Variants in KCNAB1 observed in about 807,000 individuals in gnomAD.
KCNAB1 encodes potassium voltage-gated channel subfamily A regulatory beta subunit 1.
In KCNAB1, 35 loss-of-function variants were observed where a neutral mutation model predicts 64.6. That is an observed-to-expected ratio of 0.54 (90% CI 0.41 to 0.72). The LOEUF is 0.72. Among genes scored for constraint, KCNAB1 ranks in the 30% least tolerant of loss-of-function variants. KCNAB1 has a pLI of 0.00. For missense variants in KCNAB1, 401 were observed against 512.9 expected (o/e 0.78, Z 2.11); for synonymous variants, 177 against 183.8 (o/e 0.96, Z 0.30).
At chr3:156,399,076 G>A (rs1472106155) in intron 1 of KCNAB1, among the ~76,000 whole-genome samples, 1 of 152,104 alleles carries the variant, frequency 6.6e-6, no homozygotes, top group Non-Finnish European at 1.5e-5. Context: ...GGTGTTTGGG[G>A]CAACATTTGG....
chr3:156,209,455 C>T (rs1576607619), intron 1 of KCNAB1, among the ~76,000 whole-genome samples: 4 of 152,132 alleles, frequency 2.6e-5, no homozygotes, highest in South Asian at 4.1e-4. Context: ...CCAACACTCA[C>T]GTCAATGAAC....
At chr3:156,325,244 G>T (rs6766110) in intron 1 of KCNAB1, among the ~76,000 whole-genome samples, 3 of 151,968 alleles carry the variant, frequency 2.0e-5, no homozygotes, top group African/African-American at 7.3e-5. Context: ...AGATCTAAAC[G>T]CAATTTTGTC....
At chr3:156,490,492 TATAAG>T (rs1032531205) in intron 8 of KCNAB1, among the ~76,000 whole-genome samples, 1 of 152,060 alleles carries the variant, frequency 6.6e-6, no homozygotes, top group African/African-American at 2.4e-5. Context: ...TACTTGGTGA[TATAAG>T]AGAAGGTACT....
chr3:156,120,558 A>G (rs573886934), upstream of KCNAB1: 10 of 1,604,392 alleles, frequency 6.2e-6, no homozygotes, highest in African/African-American at 5.4e-5. Flanking sequence ...AGAAAAATCA[A>G]TTCAGATTAC....
At chr3:156,484,606 G>A (rs780336142) in intron 8 of KCNAB1, among the ~76,000 whole-genome samples, 7 of 152,230 alleles carry the variant, frequency 4.6e-5, no homozygotes, top group Non-Finnish European at 8.8e-5. Context: ...ATCTGCTGCA[G>A]CAGATCTGCA....
At chr3:156,196,629 G>A (rs567835776) in intron 1 of KCNAB1, among the ~76,000 whole-genome samples, 116 of 152,088 alleles carry the variant, frequency 7.6e-4, no homozygotes, top group Admixed American at 2.2e-3. Context: ...TTGGTGTATA[G>A]GAATGCTTGT....
intron 8 of KCNAB1, among the ~76,000 whole-genome samples, chr3:156,483,036 A>C (rs1216757301): frequency 1.3e-5 from 2 of 152,138 alleles, no homozygotes; most frequent in African/African-American, 4.8e-5. Flanking sequence ...GGGACAGTTA[A>C]AATAATTACA....
intron 1 of KCNAB1, among the ~76,000 whole-genome samples, chr3:156,122,870 G>A (rs1472116708): frequency 6.6e-6 from 1 of 152,176 alleles, no homozygotes; most frequent in Non-Finnish European, 1.5e-5. Flanking sequence ...AACTAAGGCA[G>A]TTTTTCTCAT....
At chr3:156,319,315 A>G (rs552393357) in intron 1 of KCNAB1, among the ~76,000 whole-genome samples, 27 of 152,260 alleles carry the variant, frequency 1.8e-4, no homozygotes, top group Admixed American at 1.6e-3. Flanking sequence ...TGCTCACACT[A>G]CATTTCCTTC....
chr3:156,330,725 A>C (rs1723278933), intron 1 of KCNAB1, among the ~76,000 whole-genome samples: 1 of 152,110 alleles, frequency 6.6e-6, no homozygotes, highest in Non-Finnish European at 1.5e-5. Context: ...ATCTCTGTTG[A>C]GTGAACGGAG....
intron 1 of KCNAB1, among the ~76,000 whole-genome samples, chr3:156,125,767 G>A (rs1285195049): frequency 6.6e-6 from 1 of 152,198 alleles, no homozygotes; most frequent in Non-Finnish European, 1.5e-5. Context: ...TGTGAGAAAA[G>A]GCAGTTAGTT....
At chr3:156,501,443 T>TTTTTTTG (rs1716398062) in intron 8 of KCNAB1, among the ~76,000 whole-genome samples, 1 of 144,204 alleles carries the variant, frequency 6.9e-6, no homozygotes, top group Non-Finnish European at 1.5e-5. Flanking sequence ...TTTTTTTTTT[T>TTTTTTTG]TTTTTGAGAG....
chr3:156,421,776 G>C (rs1481299646), intron 2 of KCNAB1, 117 bp downstream of exon 2: 17 of 794,218 alleles, frequency 2.1e-5, no homozygotes, highest in Non-Finnish European at 4.2e-6. Flanking sequence ...GAGGCTTCCT[G>C]GCCAGTATTG....
chr3:156,494,532 G>A (rs1397678473), intron 8 of KCNAB1, among the ~76,000 whole-genome samples: 1 of 152,146 alleles, frequency 6.6e-6, no homozygotes, highest in East Asian at 1.9e-4. Flanking sequence ...AGGACAGCTT[G>A]GGAACTAATG....
intron 8 of KCNAB1, among the ~76,000 whole-genome samples, chr3:156,477,611 C>T (rs1312894650): frequency 1.3e-5 from 2 of 152,136 alleles, no homozygotes; most frequent in Non-Finnish European, 2.9e-5. Flanking sequence ...TCCATGTGAG[C>T]TTTTCCTAGC....
At chr3:156,367,125 C>T (rs1190259523) in intron 1 of KCNAB1, among the ~76,000 whole-genome samples, 1 of 151,338 alleles carries the variant, frequency 6.6e-6, no homozygotes, top group East Asian at 1.9e-4. Flanking sequence ...TAATTAGTGC[C>T]GCTAACAATT....
At chr3:156,467,661 AATATTAACC>A (rs1007301223) in intron 7 of KCNAB1, among the ~76,000 whole-genome samples, 29 of 152,094 alleles carry the variant, frequency 1.9e-4, no homozygotes, top group African/African-American at 6.5e-4. Flanking sequence ...CCAGGCCACA[AATATTAACC>A]TAAGCCTTGA....
At chr3:156,305,582 GA>G (rs1481164293) in intron 1 of KCNAB1, among the ~76,000 whole-genome samples, 1 of 152,160 alleles carries the variant, frequency 6.6e-6, no homozygotes, top group African/African-American at 2.4e-5. Context: ...TGAATAGCCT[GA>G]CCTATCCTTG....
chr3:156,314,398 G>C (rs886319556), intron 1 of KCNAB1, among the ~76,000 whole-genome samples: 10 of 152,150 alleles, frequency 6.6e-5, no homozygotes, highest in Admixed American at 6.5e-4. Context: ...TAAGGTTAGT[G>C]CTATTATCTC....
Sources: allele counts gnomAD v4.1 joint callset (sites outside exome capture counted in the v4.1 genomes callset), GRCh38; gene constraint gnomAD v4.1.1; transcripts MANE v1.5; gene names NCBI Gene and HGNC (gene_info 2026-07-23, HGNC 2026-07-21).